NMNAT2: variants seen among roughly 807,000 people sequenced by gnomAD.
The protein encoded by NMNAT2 is nicotinamide/nicotinic acid mononucleotide adenylyltransferase 2.
Under a neutral mutation model 41.6 loss-of-function variants are expected in NMNAT2, and 11 were observed. That is an observed-to-expected ratio of 0.26 (90% confidence interval 0.17 to 0.44). NMNAT2 has a LOEUF of 0.44. Ranked by LOEUF, NMNAT2 falls within the 20% of genes least tolerant of loss-of-function variation. The probability of loss-of-function intolerance (pLI) is 1.00; values close to 1 mark genes in which losing one functional copy is unlikely to be tolerated. For synonymous variants in NMNAT2, 148 were observed against 151.2 expected, an observed-to-expected ratio of 0.98 and a Z score of 0.16; for missense variants, 288 against 407.7, an observed-to-expected ratio of 0.71 and a Z score of 2.53.
rs897784610 is a variant in NMNAT2, at chr1:183,418,263, G to C, written c.5C>G (p.Thr2Ser). M[T>S]ETTKTHVILL... ...GATAACGTGGGTCTTGGTGGTCTCG[G>C]TCATGGTGCAGATGGGTCCTTCGCG... The change falls in exon 1 of 11, where the codon ACC becomes AGC. Residue 2 changes from threonine (T) to serine (S), a missense_variant. By Grantham distance (58) the Thr-to-Ser change is moderately conservative. Coordinates refer to ENST00000287713, the MANE Select transcript of NMNAT2 (RefSeq NM_015039.4). 1 of 1,614,128 alleles carries C rather than the reference G, an allele frequency of 6.2e-7. No individual in the cohort carries two copies. Among genetic ancestry groups the C allele is most frequent in the Non-Finnish European group, 8.5e-7 (1 of 1,180,010 alleles).
chr1:183,304,522 G>A, intron 1 of NMNAT2: 1 of 673,800 alleles, frequency 1.5e-6, no homozygotes, highest in Non-Finnish European at 2.5e-6. Flanking sequence ...ATAGGGATCA[G>A]GCTGATGTCC....
At position 183,306,838 on chromosome 1, in the gene NMNAT2, C is replaced by G. The variant is rs1444186930; in HGVS notation, c.86-13045G>C. Among the ~76,000 whole-genome samples, 3 of 152,182 alleles carry G rather than the reference C, an allele frequency of 2.0e-5. No individual in the cohort carries two copies. In the East Asian group the frequency reaches 5.8e-4, roughly 29 times the overall value. On this transcript the variant is annotated intron_variant, in intron 1 of 10. Coordinates refer to ENST00000287713, the MANE Select transcript of NMNAT2 (RefSeq NM_015039.4). Reference sequence around the variant, plus strand: ...TCACCAGCTGGGTGACCTTGGGTACCCAGCTAGTTACTCAATTGCGCTGGC... The same window carrying G: ...TCACCAGCTGGGTGACCTTGGGTACGCAGCTAGTTACTCAATTGCGCTGGC...
chr1:183,282,162 T>C lies in NMNAT2; in HGVS notation c.574+1833A>G, dbSNP rs148102764. ...GTGTTCTCCATTCTCTACCCCACAC[T>C]GTCCTTTCTCCATCACATGCAGGTA... On this transcript the variant is annotated intron_variant, in intron 7 of 10. Transcript: ENST00000287713. 2.0e-3 allele frequency among the ~76,000 whole-genome samples: 312 copies of C among 152,324 alleles called. 2 individuals carry two copies. In the Middle Eastern group the frequency reaches 0.054, roughly 27 times the overall value.
intron 1 of NMNAT2, among the ~76,000 whole-genome samples, chr1:183,347,463 A>T (rs1246910381): frequency 6.6e-6 from 1 of 152,160 alleles, no homozygotes; most frequent in African/African-American, 2.4e-5. Flanking sequence ...CTCTCTAAAA[A>T]TGATGATGAT....
intron 1 of NMNAT2, among the ~76,000 whole-genome samples, chr1:183,410,745 T>A (rs930602847): frequency 5.3e-5 from 7 of 131,446 alleles, no homozygotes; most frequent in Admixed American, 4.3e-4. Context: ...CTCTTTTTTT[T>A]AATTTCCTTT....
At chr1:183,400,489 C>T (rs1372103014) in intron 1 of NMNAT2, among the ~76,000 whole-genome samples, 1 of 152,078 alleles carries the variant, frequency 6.6e-6, no homozygotes, top group Non-Finnish European at 1.5e-5. Context: ...CCATACTGCC[C>T]AAGGTAATTT....
At chr1:183,273,860 T>C (rs1382731089) in intron 8 of NMNAT2, among the ~76,000 whole-genome samples, 1 of 78,310 alleles carries the variant, frequency 1.3e-5, no homozygotes, top group Non-Finnish European at 2.3e-5. Context: ...CCTTCCTTCC[T>C]TCCTTCCTTC....
At chr1:183,314,984 G>C (rs933207172) in intron 1 of NMNAT2, among the ~76,000 whole-genome samples, 9 of 152,186 alleles carry the variant, frequency 5.9e-5, no homozygotes, top group African/African-American at 2.2e-4. Flanking sequence ...GTAACTTATG[G>C]GGGAAAAAGT....
chr1:183,261,433 T>A, intron 8 of NMNAT2, 130 bp from the exon 9 acceptor site: 1 of 760,020 alleles, frequency 1.3e-6, no homozygotes, highest in African/African-American at 1.7e-5. Context: ...CAAACCGGCC[T>A]TCTTCTCAGC....
chr1:183,296,477 T>C (rs1449109971), intron 1 of NMNAT2, among the ~76,000 whole-genome samples: 1 of 152,014 alleles, frequency 6.6e-6, no homozygotes, highest in Non-Finnish European at 1.5e-5. Context: ...TTGGCATTAT[T>C]TGGATTTTAA....
rs149288140 is a variant in NMNAT2 at position 183,381,197 on chromosome 1, A to T, written c.85+36986T>A. Reference sequence around the variant, plus strand: ...TATGACCAGGAGGATGGGCATCCCCATGACTCCTGTTCTGGACAGAAGATT... The same window carrying T: ...TATGACCAGGAGGATGGGCATCCCCTTGACTCCTGTTCTGGACAGAAGATT... On this transcript the variant is annotated intron_variant, in intron 1 of 10. Coordinates refer to ENST00000287713, the MANE Select transcript of NMNAT2 (RefSeq NM_015039.4). Among the ~76,000 whole-genome samples the T allele has an allele frequency of 8.8e-4, 134 of 152,250 alleles. 1 individual carries two copies. Among genetic ancestry groups the T allele is most frequent in the African/African-American group, 3.2e-3 (131 of 41,548 alleles).
intron 10 of NMNAT2, among the ~76,000 whole-genome samples, chr1:183,253,913 G>A (rs1660454791): frequency 1.0e-5 from 1 of 98,224 alleles, no homozygotes; most frequent in South Asian, 3.3e-4. Flanking sequence ...CCGTGTGTGT[G>A]TGTGTGTGTG....
chr1:183,262,349 A>G (rs963972435), intron 8 of NMNAT2, among the ~76,000 whole-genome samples: 1 of 152,054 alleles, frequency 6.6e-6, no homozygotes, highest in East Asian at 1.9e-4. Flanking sequence ...TACAATCCAG[A>G]TAGTGACTGT....
chr1:183,417,405 C>A (rs1284105378), intron 1 of NMNAT2, among the ~76,000 whole-genome samples: 1 of 152,176 alleles, frequency 6.6e-6, no homozygotes, highest in African/African-American at 2.4e-5. Context: ...ACGCCTCAAG[C>A]CTTCCGAGTG....
At chr1:183,272,581 T>A (rs1661012932) in intron 8 of NMNAT2, among the ~76,000 whole-genome samples, 1 of 152,222 alleles carries the variant, frequency 6.6e-6, no homozygotes, top group Admixed American at 6.5e-5. Flanking sequence ...GGGGTGGGGA[T>A]GGGGTCATCC....
intron 1 of NMNAT2, among the ~76,000 whole-genome samples, chr1:183,328,130 T>C (rs1662508372): frequency 6.6e-6 from 1 of 152,082 alleles, no homozygotes; most frequent in Non-Finnish European, 1.5e-5. Flanking sequence ...CCACACAGTA[T>C]TGCAGCTGGA....
chr1:183,412,265 C>A (rs918382264), intron 1 of NMNAT2, among the ~76,000 whole-genome samples: 1 of 152,236 alleles, frequency 6.6e-6, no homozygotes, highest in Non-Finnish European at 1.5e-5. Flanking sequence ...GCTCTGTCTC[C>A]CAGGCTGGAG....
chr1:183,304,971 C>G (rs533492328), intron 1 of NMNAT2: 36 of 979,554 alleles, frequency 3.7e-5, no homozygotes, highest in Non-Finnish European at 4.7e-5. Flanking sequence ...CATATGCTCC[C>G]GCTTGTAGGA....
chr1:183,390,472 G>A (rs917687772), intron 1 of NMNAT2, among the ~76,000 whole-genome samples: 2 of 152,132 alleles, frequency 1.3e-5, no homozygotes, highest in African/African-American at 4.8e-5. Context: ...ATTTCTAGGA[G>A]AGTACATCAT....
Sources: allele counts gnomAD v4.1 joint callset (sites outside exome capture counted in the v4.1 genomes callset), GRCh38; gene constraint gnomAD v4.1.1; transcripts MANE v1.5; gene names NCBI Gene and HGNC (gene_info 2026-07-23, HGNC 2026-07-21).